Variants in NDUFAF2 observed in about 807,000 individuals in gnomAD.
NDUFAF2 encodes the protein NADH:ubiquinone oxidoreductase complex assembly factor 2.
A neutral mutation model predicts 22.8 loss-of-function variants in NDUFAF2; 13 were observed. The observed-to-expected ratio is 0.57, with a 90% CI of 0.37 to 0.91. NDUFAF2 has a LOEUF of 0.91. NDUFAF2 is among the 40% of genes least tolerant of loss of function. The pLI is 0.01. For missense variants in NDUFAF2, 162 were observed against 195.2 expected, an observed-to-expected ratio of 0.83 and a Z score of 1.01; for synonymous variants, 53 against 64.2, an observed-to-expected ratio of 0.83 and a Z score of 0.84.
At chr5:60,986,734 G>A (rs1431759463) in intron 1 of NDUFAF2, among the ~76,000 whole-genome samples, 1 of 151,920 alleles carries the variant, frequency 6.6e-6, no homozygotes, top group Non-Finnish European at 1.5e-5. Flanking sequence ...TTTAAGACCA[G>A]CCTGGCCAAC....
At chr5:61,044,864 T>C (rs908188072) in intron 1 of NDUFAF2, among the ~76,000 whole-genome samples, 1 of 151,996 alleles carries the variant, frequency 6.6e-6, no homozygotes, top group Non-Finnish European at 1.5e-5. Context: ...CTGTAAAAAT[T>C]ATCCTTGGAA....
intron 2 of NDUFAF2, among the ~76,000 whole-genome samples, chr5:61,081,946 T>A (rs763051424): frequency 4.6e-5 from 7 of 152,236 alleles, no homozygotes; most frequent in Non-Finnish European, 1.0e-4. Context: ...GAACATGTAT[T>A]TGGACAAAGT....
chr5:60,951,052 CAG>C (rs1303505915), intron 1 of NDUFAF2, among the ~76,000 whole-genome samples: 14 of 151,892 alleles, frequency 9.2e-5, no homozygotes, highest in Admixed American at 3.3e-4. Flanking sequence ...ATTTTTGAGA[CAG>C]AGTCTCACTC....
intron 1 of NDUFAF2, among the ~76,000 whole-genome samples, chr5:60,951,855 A>C (rs1016351285): frequency 3.3e-5 from 5 of 152,040 alleles, no homozygotes; most frequent in African/African-American, 1.2e-4. Flanking sequence ...TGGAATTAAA[A>C]ATTCAAAGAT....
chr5:61,046,017 T>C (rs1751950152), intron 1 of NDUFAF2, among the ~76,000 whole-genome samples: 1 of 152,190 alleles, frequency 6.6e-6, no homozygotes, highest in Non-Finnish European at 1.5e-5. Flanking sequence ...AGAGTTTTTA[T>C]CGTGAAAGCA....
At chr5:60,993,661 C>G (rs1031095993) in intron 1 of NDUFAF2, among the ~76,000 whole-genome samples, 1 of 152,134 alleles carries the variant, frequency 6.6e-6, no homozygotes, top group Non-Finnish European at 1.5e-5. Context: ...ATCCCAACAT[C>G]TGCAGCTGTC....
At chr5:60,950,616 A>G (rs986014230) in intron 1 of NDUFAF2, among the ~76,000 whole-genome samples, 24 of 143,460 alleles carry the variant, frequency 1.7e-4, no homozygotes, top group African/African-American at 5.6e-4. Flanking sequence ...AATTTTGTCA[A>G]TTTTGTCACA....
At chr5:61,003,201 A>G (rs1003245150) in intron 1 of NDUFAF2, among the ~76,000 whole-genome samples, 1 of 152,140 alleles carries the variant, frequency 6.6e-6, no homozygotes, top group Admixed American at 6.6e-5. Flanking sequence ...ATTCTCTGCA[A>G]TCAACGTTTG....
intron 1 of NDUFAF2, among the ~76,000 whole-genome samples, chr5:61,070,622 C>G (rs1206678532): frequency 2.0e-5 from 3 of 151,758 alleles, no homozygotes; most frequent in African/African-American, 7.3e-5. Context: ...CACACACACA[C>G]ACACACGCAC....
chr5:61,076,654 G>A (rs1360210942), intron 2 of NDUFAF2, among the ~76,000 whole-genome samples: 1 of 152,234 alleles, frequency 6.6e-6, no homozygotes, highest in African/African-American at 2.4e-5. Context: ...GGCTTTTACT[G>A]TGAGACTGGA....
At chr5:60,950,961 C>T (rs1177686188) in intron 1 of NDUFAF2, among the ~76,000 whole-genome samples, 2 of 152,096 alleles carry the variant, frequency 1.3e-5, no homozygotes, top group Non-Finnish European at 2.9e-5. Flanking sequence ...AGACTGGCTT[C>T]TTTCACTTAG....
intron 3 of NDUFAF2, among the ~76,000 whole-genome samples, chr5:61,106,398 T>A (rs1343788638): frequency 6.6e-6 from 1 of 151,406 alleles, no homozygotes; most frequent in East Asian, 1.9e-4. Flanking sequence ...ATTCTTTTTT[T>A]AATTTTTGAT....
At chr5:61,151,122 A>G (rs1300834000) in intron 3 of NDUFAF2, among the ~76,000 whole-genome samples, 5 of 152,210 alleles carry the variant, frequency 3.3e-5, no homozygotes, top group African/African-American at 1.2e-4. Context: ...TCTTAACACT[A>G]AAACCACAAA....
intron 3 of NDUFAF2, among the ~76,000 whole-genome samples, chr5:61,125,657 A>C (rs1386043918): frequency 6.6e-6 from 1 of 152,148 alleles, no homozygotes; most frequent in East Asian, 1.9e-4. Flanking sequence ...AGATGGTTTA[A>C]AGAAATAGAG....
At chr5:61,110,532 T>G (rs553175259) in intron 3 of NDUFAF2, among the ~76,000 whole-genome samples, 1 of 152,150 alleles carries the variant, frequency 6.6e-6, no homozygotes, top group African/African-American at 2.4e-5. Flanking sequence ...TTTGGATTTC[T>G]TTATGGTTCA....
intron 3 of NDUFAF2, among the ~76,000 whole-genome samples, chr5:61,118,639 T>G (rs1393253696): frequency 6.6e-6 from 1 of 152,182 alleles, no homozygotes; most frequent in African/African-American, 2.4e-5. Flanking sequence ...TTGACAAAGA[T>G]ATACTTAAAG....
chr5:61,004,259 T>C (rs1751336910), intron 1 of NDUFAF2, among the ~76,000 whole-genome samples: 2 of 152,166 alleles, frequency 1.3e-5, no homozygotes, highest in East Asian at 1.9e-4. Context: ...ATATCTCATG[T>C]ACTTTCTTAT....
rs983847788 is a variant in NDUFAF2 at position 60,950,112 on chromosome 5, T to A, written c.127+4730T>A. Among the ~76,000 whole-genome samples, 8 of 152,158 alleles carry A rather than the reference T, an allele frequency of 5.3e-5. No individual in the cohort carries two copies. In the South Asian group the frequency reaches 1.7e-3, roughly 31 times the overall value. On this transcript the variant is annotated intron_variant, in intron 1 of 3. Transcript: ENST00000296597. ...GGCTGCACTAGATGAGCCTCCAGTA[T>A]AATGTTGAATAAGAGTGGTGAGCAT...
At chr5:60,964,093 G>T (rs960920148) in intron 1 of NDUFAF2, among the ~76,000 whole-genome samples, 2 of 152,150 alleles carry the variant, frequency 1.3e-5, no homozygotes, top group Non-Finnish European at 2.9e-5. Context: ...AGCAGGCAGA[G>T]ATTGAAGCAG....
Sources: allele counts gnomAD v4.1 joint callset (sites outside exome capture counted in the v4.1 genomes callset), GRCh38; gene constraint gnomAD v4.1.1; transcripts MANE v1.5; gene names NCBI Gene and HGNC (gene_info 2026-07-23, HGNC 2026-07-21).